Variants in CCDC80 observed in about 807,000 individuals in gnomAD.
The protein encoded by CCDC80 is coiled-coil domain containing 80, also known as coiled-coil domain-containing protein 80.
A neutral mutation model predicts 78.7 loss-of-function variants in CCDC80; 49 were observed. That is an observed-to-expected ratio of 0.62 (90% confidence interval 0.50 to 0.79). The LOEUF (loss-of-function observed/expected upper bound fraction) is 0.79. Among genes scored for constraint, CCDC80 ranks in the 30% least tolerant of loss-of-function variants. The pLI, the probability that CCDC80 is intolerant of heterozygous loss-of-function variation, is 0.00. For synonymous variants in CCDC80, 488 were observed against 447.0 expected (o/e 1.09, Z -1.16); for missense variants, 1,205 against 1,198.6 (o/e 1.01, Z -0.08).
At position 112,601,989 on chromosome 3, in the gene CCDC80, A is replaced by AT. The variant is rs952359421; in HGVS notation, c.*3427dup. 6.6e-5 allele frequency: 10 copies of AT among 152,108 alleles called. No homozygotes were observed. The highest frequency in any genetic ancestry group is 1.3e-4 in the Non-Finnish European group (9 of 68,016). 9.4% of individuals were successfully genotyped at this position (152,108 alleles called of 1,614,324 possible). A position where few individuals can be genotyped will look rare whatever the true frequency, so the allele number is the denominator to read the frequency against. On this transcript the variant is annotated 3_prime_UTR_variant, in exon 8 of 8. Transcript: ENST00000206423. ...TTTTATTATACTTCTCAGATACTGCATTTTTTACAAATTGAAGGTTTGTGG... is the reference window on the plus strand; with the variant it reads ...TTTTATTATACTTCTCAGATACTGCATTTTTTTACAAATTGAAGGTTTGTGG...
intron 5 of CCDC80, among the ~76,000 whole-genome samples, chr3:112,616,204 C>A (rs1935737080): frequency 6.6e-6 from 1 of 152,074 alleles, no homozygotes; most frequent in Non-Finnish European, 1.5e-5. Flanking sequence ...GAAACTGGGT[C>A]AAGAGGATTT....
intron 6 of CCDC80, 142 bp downstream of exon 6, chr3:112,609,836 A>G (rs1935588771): frequency 1.6e-6 from 1 of 621,056 alleles, no homozygotes; most frequent in Non-Finnish European, 2.7e-6. Context: ...TTTATACTCA[A>G]TATAGTAGAG....
intron 5 of CCDC80, among the ~76,000 whole-genome samples, chr3:112,612,041 T>A (rs1048796900): frequency 1.7e-5 from 1 of 60,474 alleles, no homozygotes; most frequent in Admixed American, 1.7e-4. Flanking sequence ...CTTCCTCTGC[T>A]TTTTTTTTTT....
Position 112,597,226 on chromosome 3 carries a change from A to G in CCDC80, c.*8191T>C, listed in dbSNP as rs1935297004. ...CAGTGTTTTCTGGTCTAATTAAACC[A>G]TAGTCTTCATATACCTTTACCACGC... is the stretch of plus-strand genomic sequence containing the variant. On this transcript the variant is annotated 3_prime_UTR_variant, in exon 8 of 8. Transcript: ENST00000206423. 1 of 152,204 alleles carries G rather than the reference A, an allele frequency of 6.6e-6. No individual in the cohort carries two copies. The highest frequency in any genetic ancestry group is 1.5e-5 in the Non-Finnish European group (1 of 68,038). 9.4% of individuals were successfully genotyped at this position (152,204 alleles called of 1,614,324 possible).
chr3:112,614,069 A>T (rs1935685512), intron 5 of CCDC80, among the ~76,000 whole-genome samples: 1 of 152,184 alleles, frequency 6.6e-6, no homozygotes, highest in African/African-American at 2.4e-5. Context: ...GATTCACTGT[A>T]TTTGTAAAAT....
Position 112,638,719 on chromosome 3 carries a change from G to A in CCDC80, c.1187C>T (p.Pro396Leu). ...AGTGATCACCTCAGTGGTTGTAGGGGGCCTGTGGGAGGGTGAGGGGGTCCA... is the reference window on the plus strand; with the variant it reads ...AGTGATCACCTCAGTGGTTGTAGGGAGCCTGTGGGAGGGTGAGGGGGTCCA... ...RPWTPSPSHR[P>L]PTTTEVITAR... The change falls in exon 2 of 8, where the codon CCC (proline) becomes CTC (leucine). Residue 396 changes from proline (P) to leucine (L), a missense_variant. By Grantham distance (98) the Pro-to-Leu change is moderately conservative. Coordinates refer to ENST00000206423, the MANE Select transcript of CCDC80 (RefSeq NM_199511.3). 1 of 1,613,974 alleles carries A rather than the reference G, an allele frequency of 6.2e-7. No homozygotes were observed. The highest frequency in any genetic ancestry group is 2.2e-5 in the East Asian group (1 of 44,878).
rs370366041 is a variant in CCDC80 at position 112,617,560 on chromosome 3, G to T, written c.2173-702C>A. Among the ~76,000 whole-genome samples, 22 of 152,334 alleles carry T rather than the reference G, an allele frequency of 1.4e-4. No individual in the cohort carries two copies. In the South Asian group the frequency reaches 4.6e-3, roughly 32 times the overall value. On this transcript the variant is annotated intron_variant, in intron 4 of 7. Transcript: ENST00000206423. The stretch of plus-strand genomic sequence containing the variant: ...AGTAAATCACAGAATGTGAGAGCTG[G>T]TAAGGACCTTAGAGATTATCTGGCC...
chr3:112,630,294 AT>A, intron 2 of CCDC80, 25 bp from the exon 3 acceptor site: 1 of 1,611,104 alleles, frequency 6.2e-7, no homozygotes, highest in South Asian at 1.1e-5. Flanking sequence ...AGACAAACAA[AT>A]ACTCATTTAT....
In CCDC80 at chr3:112,605,026, T is replaced by G. The variant is rs1413557295; in HGVS notation, c.*391A>C. ...TTGTTTTATCTTTTCAGATGTTTCTTGAAAACATTGTGGTGTGATCTTTAA... is the reference window on the plus strand; with the variant it reads ...TTGTTTTATCTTTTCAGATGTTTCTGGAAAACATTGTGGTGTGATCTTTAA... On this transcript the variant is annotated 3_prime_UTR_variant, in exon 8 of 8. Coordinates refer to ENST00000206423, the MANE Select transcript of CCDC80 (RefSeq NM_199511.3). The G allele has an allele frequency of 6.3e-6, 1 of 158,032 alleles. No individual in the cohort carries two copies. The highest frequency in any genetic ancestry group is 2.4e-5 in the African/African-American group (1 of 41,718). The allele number at this position is 158,032 out of a possible 1,614,324, so 9.8% of individuals were successfully genotyped here. A position where few individuals can be genotyped will look rare whatever the true frequency, so the allele number is the denominator to read the frequency against.
rs926025183 is a variant in CCDC80, at chr3:112,604,527, A to G, written c.*890T>C. On this transcript the variant is annotated 3_prime_UTR_variant, in exon 8 of 8. Transcript: ENST00000206423. ...CTTAATAGACTACTAAAGAGTGTAA[A>G]CATAACTTTTATATGCACTGAGAAA... 1 of 152,268 alleles carries G rather than the reference A, an allele frequency of 6.6e-6. No homozygotes were observed. The highest frequency in any genetic ancestry group is 1.5e-5 in the Non-Finnish European group (1 of 68,072). The allele number at this position is 152,268 out of a possible 1,614,324, so 9.4% of individuals were successfully genotyped here. A position where few individuals can be genotyped will look rare whatever the true frequency, so the allele number is the denominator to read the frequency against.
intron 6 of CCDC80, among the ~76,000 whole-genome samples, chr3:112,607,725 G>A (rs982250159): frequency 2.0e-5 from 3 of 152,214 alleles, no homozygotes; most frequent in African/African-American, 4.8e-5. Context: ...GGCGGAGGTT[G>A]CAGTGAGCCG....
chr3:112,609,122 ATTC>A (rs10611538), intron 6 of CCDC80, among the ~76,000 whole-genome samples: 23,811 of 151,934 alleles, frequency 0.16, 4,285 homozygotes, highest in African/African-American at 0.44. Context: ...ATCTCTCAAA[ATTC>A]TTCTTCTGCA....
At chr3:112,611,152 A>C (rs1180212250) in intron 5 of CCDC80, among the ~76,000 whole-genome samples, 1 of 152,056 alleles carries the variant, frequency 6.6e-6, no homozygotes, top group Non-Finnish European at 1.5e-5. Flanking sequence ...TGACCTGGTG[A>C]TCTGCCCTCC....
intron 2 of CCDC80, among the ~76,000 whole-genome samples, chr3:112,631,561 T>C (rs895462153): frequency 6.6e-6 from 1 of 152,202 alleles, no homozygotes; most frequent in Non-Finnish European, 1.5e-5. Context: ...CATTCAAATG[T>C]ATCAACCAAC....
rs556396674 is a variant in CCDC80, at chr3:112,630,377, A to G, written c.1879-108T>C. ...GAGAGGGCTGGTAGTGACTGCATCT[A>G]AGCTACAAATGTTCTGCTGAACAGT... On this transcript the variant is annotated intron_variant, in intron 2 of 7. Coordinates refer to ENST00000206423, the MANE Select transcript of CCDC80 (RefSeq NM_199511.3). The G allele has an allele frequency of 4.1e-3, 4,364 of 1,061,806 alleles. 144 individuals carry two copies. The South Asian group carries it at 0.052, about 13-fold the overall frequency. 65.8% of individuals were successfully genotyped at this position (1,061,806 alleles called of 1,614,324 possible).
intron 3 of CCDC80, among the ~76,000 whole-genome samples, chr3:112,627,794 C>A (rs192482045): frequency 3.4e-4 from 51 of 151,518 alleles, no homozygotes; most frequent in Admixed American, 2.8e-3. Flanking sequence ...ATCTCCCACC[C>A]CAAAATCAGG....
intron 2 of CCDC80, among the ~76,000 whole-genome samples, chr3:112,632,332 A>C (rs1025670848): frequency 6.6e-6 from 1 of 152,148 alleles, no homozygotes. Flanking sequence ...AGAGAAAGGG[A>C]CTTACTGTTC....
chr3:112,606,996 C>T (rs1459533023), intron 7 of CCDC80, among the ~76,000 whole-genome samples, 180 bp downstream of exon 7: 1 of 152,298 alleles, frequency 6.6e-6, no homozygotes, highest in African/African-American at 2.4e-5. Context: ...CTGTACTCCA[C>T]ACCCCTTCCC....
chr3:112,630,153 A>G lies in CCDC80; in HGVS notation c.1995T>C (p.Pro665=), dbSNP rs1490341384. The G allele has an allele frequency of 6.2e-7, 1 of 1,613,840 alleles. No homozygotes were observed. The highest frequency in any genetic ancestry group is 8.5e-7 in the Non-Finnish European group (1 of 1,179,874). Residue 665 remains proline, a synonymous_variant, in exon 3 of 8, where the codon CCT becomes CCC. Transcript: ENST00000206423. ...RKISVITIFG[P]VNNSTMKIDH... Reference sequence around the variant, plus strand: ...CGATTTTCATGGTGCTGTTGTTGACAGGGCCGAAGATGGTGATCACAGAGA... The same window carrying G: ...CGATTTTCATGGTGCTGTTGTTGACGGGGCCGAAGATGGTGATCACAGAGA...
Sources: gnomAD v4.1 joint callset for allele counts (sites outside exome capture counted in the v4.1 genomes callset) on GRCh38, gnomAD v4.1.1 for gene constraint, MANE v1.5 for transcripts, NCBI Gene and HGNC (gene_info 2026-07-23, HGNC 2026-07-21) for gene names.